Variants in GABRG3 observed in about 807,000 individuals in gnomAD.
The protein encoded by GABRG3 is gamma-aminobutyric acid type A receptor subunit gamma3, also known as gamma-aminobutyric acid receptor subunit gamma-3.
A neutral mutation model predicts 48.8 loss-of-function variants in GABRG3; 25 were observed. The ratio of observed to expected loss-of-function variants is 0.51; its 90% CI spans 0.37 to 0.72. The LOEUF is 0.72. GABRG3 is among the 30% of genes least tolerant of loss of function. The pLI is 0.00. For missense variants in GABRG3, 394 were observed against 577.9 expected (o/e 0.68, Z 3.26); for synonymous variants, 227 against 217.6 (o/e 1.04, Z -0.38).
At chr15:26,995,532 G>A (rs760261653) in intron 2 of GABRG3, among the ~76,000 whole-genome samples, 33 of 138,702 alleles carry the variant, frequency 2.4e-4, no homozygotes, top group African/African-American at 6.7e-4. Flanking sequence ...TCTTTTTCTC[G>A]TTTAATATCT....
In GABRG3 at chr15:27,180,486, G is replaced by A. The variant is rs537605108; in HGVS notation, c.271-146323G>A. On this transcript the variant is annotated intron_variant, in intron 3 of 9. Transcript: ENST00000615808. The surrounding 1 kb of genome is among the most constrained non-coding windows in gnomAD (Gnocchi z 4.2). ...CCTATGCTTGCACTAGATTCATCAC[G>A]AAGCACCGACTGCTGCGCTTCCCTC... Among the ~76,000 whole-genome samples, 14 of 152,056 alleles carry A rather than the reference G, an allele frequency of 9.2e-5. No homozygotes were observed. Among genetic ancestry groups the A allele is most frequent in the South Asian group, 8.3e-4 (4 of 4,812 alleles).
chr15:27,197,529 G>A (rs1448772586), intron 3 of GABRG3, among the ~76,000 whole-genome samples: 1 of 151,708 alleles, frequency 6.6e-6, no homozygotes, highest in Non-Finnish European at 1.5e-5. Context: ...CATGAGCCCT[G>A]GAGGCAGCGG....
At position 27,386,213 on chromosome 15, in the gene GABRG3, T is replaced by A. The variant is rs186386052; in HGVS notation, c.574+57325T>A. On this transcript the variant is annotated intron_variant, in intron 5 of 9. Transcript: ENST00000615808. The stretch of plus-strand genomic sequence containing the variant: ...GCACACTTTACTGGTGACAACTGAT[T>A]AGTCACAGCTTGTCTTTAAACTGCT... Among the ~76,000 whole-genome samples the A allele has an allele frequency of 1.2e-4, 19 of 152,268 alleles. No individual in the cohort carries two copies. In the East Asian group the frequency reaches 3.7e-3, roughly 29 times the overall value.
chr15:27,015,786 T>G (rs1895768504), intron 2 of GABRG3, among the ~76,000 whole-genome samples: 1 of 152,204 alleles, frequency 6.6e-6, no homozygotes, highest in African/African-American at 2.4e-5. Context: ...ACATGAAATA[T>G]AACAATCTCT....
At chr15:27,336,245 G>GA (rs1458207222) in intron 5 of GABRG3, among the ~76,000 whole-genome samples, 17 of 139,466 alleles carry the variant, frequency 1.2e-4, no homozygotes, top group African/African-American at 5.0e-4. Flanking sequence ...GAGAAGAAAA[G>GA]AAAGAAAGAA....
At chr15:27,001,827 G>A (rs1298300215) in intron 2 of GABRG3, among the ~76,000 whole-genome samples, 1 of 151,038 alleles carries the variant, frequency 6.6e-6, no homozygotes, top group East Asian at 2.0e-4. Context: ...TTGACCACTG[G>A]CTGATTTTAG....
At chr15:27,064,397 C>G (rs1566924983) in intron 3 of GABRG3, among the ~76,000 whole-genome samples, 1 of 152,132 alleles carries the variant, frequency 6.6e-6, no homozygotes, top group Admixed American at 6.5e-5. Context: ...CTTGGTGCAG[C>G]GTTTCTGACC....
chr15:27,316,366 C>T (rs567191441), intron 3 of GABRG3, among the ~76,000 whole-genome samples: 21 of 123,770 alleles, frequency 1.7e-4, no homozygotes, highest in African/African-American at 3.9e-4. Flanking sequence ...CCAGCCTGGG[C>T]GACAGAGCGA....
chr15:27,060,520 G>A (rs1048389516), intron 3 of GABRG3, among the ~76,000 whole-genome samples: 9 of 152,346 alleles, frequency 5.9e-5, no homozygotes, highest in African/African-American at 1.9e-4. Context: ...CTGAGACTTC[G>A]AGAATGTCAA....
intron 5 of GABRG3, among the ~76,000 whole-genome samples, chr15:27,392,340 A>C (rs553853346): frequency 6.6e-6 from 1 of 152,192 alleles, no homozygotes; most frequent in East Asian, 1.9e-4. Context: ...TCAGACTTAC[A>C]TTGTTTTTGA....
intron 3 of GABRG3, among the ~76,000 whole-genome samples, chr15:27,212,544 A>G (rs535840459): frequency 6.6e-6 from 1 of 152,314 alleles, no homozygotes; most frequent in East Asian, 1.9e-4. Flanking sequence ...ATTTTAAAGA[A>G]AATCCTCATG....
At chr15:27,293,440 GCACTTTGAGGGAT>G (rs138407933) in intron 3 of GABRG3, among the ~76,000 whole-genome samples, 9,112 of 152,148 alleles carry the variant, frequency 0.06, 885 homozygotes, top group African/African-American at 0.2. Context: ...TGTAATCCCA[GCACTTTGAGGGAT>G]CACTTGAGGC....
intron 3 of GABRG3, among the ~76,000 whole-genome samples, chr15:27,173,770 G>A (rs1248406118): frequency 2.7e-5 from 4 of 150,672 alleles, no homozygotes; most frequent in Non-Finnish European, 5.9e-5. Context: ...TAGTACCATC[G>A]ACTCAGGAGG....
intron 3 of GABRG3, among the ~76,000 whole-genome samples, chr15:27,101,747 T>C (rs1038210038): frequency 1.3e-5 from 2 of 149,926 alleles, no homozygotes; most frequent in Non-Finnish European, 2.9e-5. Flanking sequence ...AGACCAGGGG[T>C]GTCCAATCTC....
chr15:27,422,804 C>T (rs1260264794), intron 5 of GABRG3, among the ~76,000 whole-genome samples: 5 of 152,184 alleles, frequency 3.3e-5, no homozygotes, highest in Admixed American at 1.3e-4. Context: ...AGACCACCCC[C>T]AGGTGTGCTG....
intron 2 of GABRG3, among the ~76,000 whole-genome samples, chr15:27,016,623 G>C (rs546482774): frequency 2.0e-5 from 3 of 152,052 alleles, no homozygotes; most frequent in East Asian, 1.9e-4. Context: ...TTAGCTTCTT[G>C]ATTATGTATG....
intron 1 of GABRG3, among the ~76,000 whole-genome samples, chr15:26,973,384 C>T (rs1466401056): frequency 5.3e-5 from 8 of 152,182 alleles, no homozygotes; most frequent in African/African-American, 1.9e-4. Context: ...GCTTGCAGAT[C>T]AGTTAAAAAA....
At chr15:27,096,752 G>A (rs1897270720) in intron 3 of GABRG3, among the ~76,000 whole-genome samples, 1 of 151,422 alleles carries the variant, frequency 6.6e-6, no homozygotes, top group East Asian at 1.9e-4. Context: ...TGTATTTGTT[G>A]TTGTTTTTCT....
At chr15:27,273,673 C>T (rs1891160428) in intron 3 of GABRG3, among the ~76,000 whole-genome samples, 2 of 152,246 alleles carry the variant, frequency 1.3e-5, no homozygotes, top group South Asian at 4.1e-4. Flanking sequence ...ACAGGATTAT[C>T]TGCCTAGTCA....
Sources: allele counts gnomAD v4.1 joint callset (sites outside exome capture counted in the v4.1 genomes callset), GRCh38; gene constraint gnomAD v4.1.1; non-coding constraint Gnocchi (gnomAD v3.1); transcripts MANE v1.5; gene names NCBI Gene and HGNC (gene_info 2026-07-23, HGNC 2026-07-21).